Variants in NSMAF observed in about 807,000 individuals in gnomAD.
The protein encoded by NSMAF is protein FAN.
NSMAF carries 90 observed loss-of-function variants against 134.9 expected under a neutral mutation model. That is an observed-to-expected ratio of 0.67 (90% CI 0.56 to 0.79). The LOEUF is 0.79. Ranked by LOEUF, NSMAF falls within the 30% of genes least tolerant of loss-of-function variation. The pLI, the probability that NSMAF is intolerant of heterozygous loss-of-function variation, is 0.00. For missense variants in NSMAF, 1,010 were observed against 1,119.0 expected (o/e 0.90, Z 1.39); for synonymous variants, 358 against 389.6 (o/e 0.92, Z 0.96).
Position 58,601,337 on chromosome 8 carries a change from T to A in NSMAF, c.1228A>T (p.Met410Leu). ...FYLVRIAPEY[M>L]LCLQNGRFDN... is the part of the protein sequence containing the mutation. ...AATCTTCCATTCTGCAGGCACAGCA[T>A]ATACTCTGGTGCTAGAGGGGAAAAA... The change falls in exon 16 of 31, where the codon ATG (methionine) becomes TTG (leucine). Residue 410 changes from methionine (M) to leucine (L), a missense_variant. By Grantham distance (15) the Met-to-Leu change is conservative. Coordinates refer to ENST00000038176, the MANE Select transcript of NSMAF (RefSeq NM_003580.4). The A allele has an allele frequency of 1.2e-6, 2 of 1,613,920 alleles. No individual in the cohort carries two copies. Among genetic ancestry groups the A allele is most frequent in the South Asian group, 1.1e-5 (1 of 91,076 alleles).
chr8:58,595,417 A>G lies in NSMAF; in HGVS notation c.1892+143T>C, dbSNP rs763814902. ...ACCTCAGGTGGAGATCACTATAGAC[A>G]TTTTGGGGAGATTTTTAAAAATAAA... On this transcript the variant is annotated intron_variant, in intron 22 of 30. Coordinates refer to ENST00000038176, the MANE Select transcript of NSMAF (RefSeq NM_003580.4). The G allele has an allele frequency of 7.0e-5, 42 of 603,468 alleles. No homozygotes were observed. The South Asian group carries it at 7.7e-4, about 11-fold the overall frequency. 37.4% of individuals were successfully genotyped at this position (603,468 alleles called of 1,614,324 possible). A position where few individuals can be genotyped will look rare whatever the true frequency, so the allele number is the denominator to read the frequency against.
chr8:58,600,639 A>AATAAAATAAAAT (rs1806259038), intron 16 of NSMAF, among the ~76,000 whole-genome samples: 2 of 150,588 alleles, frequency 1.3e-5, no homozygotes, highest in African/African-American at 4.9e-5. Flanking sequence ...AAAAAAAAAA[A>AATAAAATAAAAT]AAAAAAAGAT....
At chr8:58,645,836 T>C (rs930039008) in intron 1 of NSMAF, among the ~76,000 whole-genome samples, 10 of 151,628 alleles carry the variant, frequency 6.6e-5, no homozygotes, top group African/African-American at 2.2e-4. Context: ...AGGTCAGGAG[T>C]TCGAGACCAG....
At chr8:58,610,446 C>A (rs547850232) in intron 9 of NSMAF, among the ~76,000 whole-genome samples, 12 of 152,294 alleles carry the variant, frequency 7.9e-5, no homozygotes, top group Non-Finnish European at 1.0e-4. Context: ...AGAGGAAGAT[C>A]TCCACCTCAA....
chr8:58,659,557 T>A lies in NSMAF; in HGVS notation c.59+16A>T, dbSNP rs1442671894. ...ACTAGGCCCCCGGCTGGGCCCTTCT[T>A]CAGCTGGGCGCGCACCTCTCCTTGG... On this transcript the variant is annotated intron_variant, in intron 1 of 30. Coordinates refer to ENST00000038176, the MANE Select transcript of NSMAF (RefSeq NM_003580.4). 1 of 1,525,962 alleles carries A rather than the reference T, an allele frequency of 6.6e-7. No individual in the cohort carries two copies. The highest frequency in any genetic ancestry group is 1.4e-5 in the African/African-American group (1 of 69,570). 94.5% of individuals were successfully genotyped at this position (1,525,962 alleles called of 1,614,324 possible). A position where few individuals can be genotyped will look rare whatever the true frequency, so the allele number is the denominator to read the frequency against.
At position 58,639,061 on chromosome 8, in the gene NSMAF, G is replaced by T. The variant is rs534797890; in HGVS notation, c.150-3515C>A. Among the ~76,000 whole-genome samples the T allele has an allele frequency of 2.6e-5, 4 of 152,134 alleles. No homozygotes were observed. The East Asian group carries it at 5.8e-4, about 22-fold the overall frequency. The stretch of plus-strand genomic sequence containing the variant: ...GCACTTTCGGAGGCCGAGGCGGGTG[G>T]TTCACAAGATCAGGAGATCGACACC... On this transcript the variant is annotated intron_variant, in intron 2 of 30. Coordinates refer to ENST00000038176, the MANE Select transcript of NSMAF (RefSeq NM_003580.4).
intron 30 of NSMAF, 102 bp downstream of exon 30, chr8:58,585,549 TG>T: frequency 1.3e-6 from 1 of 781,970 alleles, no homozygotes. Context: ...GGAAAAACCA[TG>T]GGTGTTTTTT....
intron 6 of NSMAF, among the ~76,000 whole-genome samples, chr8:58,626,564 T>C (rs531527323): frequency 3.7e-4 from 57 of 152,232 alleles, no homozygotes; most frequent in Non-Finnish European, 7.2e-4. Context: ...TATGGCTCAG[T>C]AGTATTCCAT....
rs779405920 is a variant in NSMAF, at chr8:58,590,949, A to C, written c.1952-15T>G. On this transcript the variant is annotated splice_polypyrimidine_tract_variant and intron_variant, in intron 23 of 30. Coordinates refer to ENST00000038176, the MANE Select transcript of NSMAF (RefSeq NM_003580.4). ...CAAGGTGGAATCTAATTTAATAATG[A>C]GAAGTAGATATATAAGAAAGATTTC... The C allele has an allele frequency of 1.3e-6, 2 of 1,564,824 alleles. No homozygotes were observed. Among genetic ancestry groups the C allele is most frequent in the Non-Finnish European group, 1.7e-6 (2 of 1,145,844 alleles).
At chr8:58,654,593 G>A (rs181785544) in intron 1 of NSMAF, among the ~76,000 whole-genome samples, 6 of 152,182 alleles carry the variant, frequency 3.9e-5, no homozygotes, top group African/African-American at 1.4e-4. Flanking sequence ...GCATAATCAA[G>A]AATATTATAC....
At chr8:58,634,742 T>C (rs1192340426) in intron 5 of NSMAF, among the ~76,000 whole-genome samples, 1 of 152,106 alleles carries the variant, frequency 6.6e-6, no homozygotes, top group East Asian at 1.9e-4. Context: ...GGTGGGTGCA[T>C]AAATATAAAG....
intron 1 of NSMAF, among the ~76,000 whole-genome samples, chr8:58,658,457 T>C (rs1024498177): frequency 3.3e-5 from 5 of 152,174 alleles, no homozygotes; most frequent in African/African-American, 1.2e-4. Context: ...AGACCAACAT[T>C]ACAGATTAGA....
intron 9 of NSMAF, among the ~76,000 whole-genome samples, chr8:58,613,932 T>C (rs1477959942): frequency 6.6e-6 from 1 of 152,196 alleles, no homozygotes; most frequent in Non-Finnish European, 1.5e-5. Context: ...TTTCGGACTT[T>C]TGGAGCATTT....
chr8:58,646,033 CTCCGTCTCAAAATCATCATCA>C (rs1233315814), intron 1 of NSMAF, among the ~76,000 whole-genome samples: 2 of 152,058 alleles, frequency 1.3e-5, no homozygotes, highest in African/African-American at 4.8e-5. Context: ...AAGAGCGAGA[CTCCGTCTCAAAATCATCATCA>C]TCATCATCAT....
At chr8:58,625,688 C>G (rs897896171) in intron 6 of NSMAF, among the ~76,000 whole-genome samples, 3 of 152,142 alleles carry the variant, frequency 2.0e-5, no homozygotes, top group African/African-American at 7.2e-5. Context: ...GAAAATGAGT[C>G]TCTTGCAGAT....
intron 1 of NSMAF, among the ~76,000 whole-genome samples, chr8:58,647,902 T>A (rs1272532097): frequency 6.6e-6 from 1 of 152,186 alleles, no homozygotes; most frequent in East Asian, 1.9e-4. Flanking sequence ...ATTATGGATA[T>A]ACGTAAAGAC....
chr8:58,616,517 T>C (rs1387416829), intron 9 of NSMAF, among the ~76,000 whole-genome samples: 1 of 152,094 alleles, frequency 6.6e-6, no homozygotes, highest in Admixed American at 6.6e-5. Context: ...ATCATGTCAA[T>C]GAATGCAGAA....
rs947096060 is a variant in NSMAF, at chr8:58,659,572, C to T, written c.59+1G>A. On this transcript the variant is annotated splice_donor_variant, in intron 1 of 30. Transcript: ENST00000038176. LOFTEE classifies it high-confidence loss of function. Reference sequence around the variant, plus strand: ...GGGCCCTTCTTCAGCTGGGCGCGCACCTCTCCTTGGAGTAGAGCTGCAGCT... The same window carrying T: ...GGGCCCTTCTTCAGCTGGGCGCGCATCTCTCCTTGGAGTAGAGCTGCAGCT... 11 of 1,528,186 alleles carry T rather than the reference C, an allele frequency of 7.2e-6. No individual in the cohort carries two copies. The highest frequency in any genetic ancestry group is 8.8e-6 in the Non-Finnish European group (10 of 1,138,880). The allele number at this position is 1,528,186 out of a possible 1,614,324, so 94.7% of individuals were successfully genotyped here. A position where few individuals can be genotyped will look rare whatever the true frequency, so the allele number is the denominator to read the frequency against.
In NSMAF at chr8:58,620,890, T is replaced by A. The variant is rs1806775415; in HGVS notation, c.557+2330A>T. On this transcript the variant is annotated intron_variant, in intron 9 of 30. Coordinates refer to ENST00000038176, the MANE Select transcript of NSMAF (RefSeq NM_003580.4). Reference sequence around the variant, plus strand: ...TTTCATTCACTGTAATATACCATACTCTGTGGATGCAAGAGACCAGACAAG... The same window carrying A: ...TTTCATTCACTGTAATATACCATACACTGTGGATGCAAGAGACCAGACAAG... Among the ~76,000 whole-genome samples, 3 of 152,218 alleles carry A rather than the reference T, an allele frequency of 2.0e-5. No individual in the cohort carries two copies. The South Asian group carries it at 6.2e-4, about 32-fold the overall frequency.
Sources: allele counts gnomAD v4.1 joint callset (sites outside exome capture counted in the v4.1 genomes callset), GRCh38; gene constraint gnomAD v4.1.1; transcripts MANE v1.5; gene names NCBI Gene and HGNC (gene_info 2026-07-23, HGNC 2026-07-21).